CARMIL3: variants seen among roughly 807,000 people sequenced by gnomAD.
CARMIL3 encodes capping protein, Arp2/3 and myosin-I linker protein 3.
CARMIL3 carries 88 observed loss-of-function variants against 180.8 expected under a neutral mutation model. The ratio of observed to expected loss-of-function variants is 0.49; its 90% confidence interval spans 0.41 to 0.58. The LOEUF is 0.58. Among genes scored for constraint, CARMIL3 ranks in the 20% least tolerant of loss-of-function variants. CARMIL3 has a pLI of 0.00. For synonymous variants in CARMIL3, 696 were observed against 714.5 expected (o/e 0.97, Z 0.41); for missense variants, 1,548 against 1,787.0 (o/e 0.87, Z 2.41).
chr14:24,056,008 A>G (rs969511999), intron 10 of CARMIL3, among the ~76,000 whole-genome samples: 2 of 152,124 alleles, frequency 1.3e-5, no homozygotes, highest in Non-Finnish European at 2.9e-5. Context: ...TTTCCCCAGG[A>G]TGTTCCATGC....
rs2035694044 is a variant in CARMIL3 at position 24,058,163 on chromosome 14, T to C, written c.1331T>C (p.Leu444Pro). The C allele has an allele frequency of 6.2e-7, 1 of 1,613,702 alleles. No homozygotes were observed. The highest frequency in any genetic ancestry group is 1.1e-5 in the South Asian group (1 of 91,090). ...KLPLEALRAL[L>P]QGLSLNSHLS... Reference sequence around the variant, plus strand: ...TGACCTCCCTCCCACAGGGCGCTGCTTCAGGGCCTCTCCCTCAACAGTCAC... The same window carrying C: ...TGACCTCCCTCCCACAGGGCGCTGCCTCAGGGCCTCTCCCTCAACAGTCAC... The change falls in exon 17 of 40, where the codon CTT becomes CCT. Residue 444 changes from leucine to proline, a missense_variant. Around this residue, in one of 4 missense-constraint regions of CARMIL3, gnomAD observed 578 missense variants for 666.5 expected, o/e 0.87. Coordinates refer to ENST00000342740, the MANE Select transcript of CARMIL3 (RefSeq NM_138360.4). This position sits in a 1 kb window ranked among gnomAD's most constrained non-coding sequence, Gnocchi z 6.4.
Position 24,059,976 on chromosome 14 carries a change from C to T in CARMIL3, c.1875C>T (p.His625=), listed in dbSNP as rs1339397296. Residue 625 remains histidine (H), a synonymous_variant, in exon 23 of 40, where the codon CAC becomes CAT. Transcript: ENST00000342740. This position sits in a 1 kb window ranked among gnomAD's most constrained non-coding sequence, Gnocchi z 6.3. ...LDIARALESN[H]TLRFMSFPVS... is the part of the protein sequence containing the mutation. ...GTGCCCCTGTGTCCCACAGCAACCA[C>T]ACGCTGCGCTTCATGTCCTTCCCCG... The T allele has an allele frequency of 6.2e-7, 1 of 1,613,968 alleles. No individual in the cohort carries two copies. The highest frequency in any genetic ancestry group is 2.2e-5 in the East Asian group (1 of 44,888).
At position 24,065,150 on chromosome 14, in the gene CARMIL3, C is replaced by A; in HGVS notation, c.3273C>A (p.Ser1091Arg). 4.7e-6 allele frequency: 5 copies of A among 1,060,102 alleles called. No homozygotes were observed. The highest frequency in any genetic ancestry group is 1.9e-5 in the African/African-American group (1 of 53,248). 65.7% of individuals were successfully genotyped at this position (1,060,102 alleles called of 1,614,324 possible). A position where few individuals can be genotyped will look rare whatever the true frequency, so the allele number is the denominator to read the frequency against. ...PPPPPPPTQE[S>R]PPSPDPPSLG... ...CACCCCCTCCCCCGACTCAGGAGAGCCCCCCTAGCCCAGACCCCCCAAGCC... is the reference window on the plus strand; with the variant it reads ...CACCCCCTCCCCCGACTCAGGAGAGACCCCCTAGCCCAGACCCCCCAAGCC... Residue 1091 changes from serine (S) to arginine (R), a missense_variant, in exon 33 of 40, where the codon AGC (serine) becomes AGA (arginine). Transcript: ENST00000342740.
Position 24,058,304 on chromosome 14 carries a change from T to C in CARMIL3, c.1392+80T>C. The C allele has an allele frequency of 1.4e-6, 2 of 1,480,446 alleles. No homozygotes were observed. Among genetic ancestry groups the C allele is most frequent in the Non-Finnish European group, 9.2e-7 (1 of 1,088,406 alleles). The allele number at this position is 1,480,446 out of a possible 1,614,324, so 91.7% of individuals were successfully genotyped here. A position where few individuals can be genotyped will look rare whatever the true frequency, so the allele number is the denominator to read the frequency against. On this transcript the variant is annotated intron_variant, in intron 17 of 39. Coordinates refer to ENST00000342740, the MANE Select transcript of CARMIL3 (RefSeq NM_138360.4). The surrounding 1 kb of genome is among the most constrained non-coding windows in gnomAD (Gnocchi z 6.4). ...AGACCTAAGTCAAACCCTGGCTCCA[T>C]CTAGCCTCTGTGCTGACCCTCTGCG...
At position 24,064,112 on chromosome 14, in the gene CARMIL3, GAA is replaced by G. The variant is rs901609516; in HGVS notation, c.2980-130_2980-129del. The G allele has an allele frequency of 2.5e-5, 8 of 318,578 alleles. 1 individual carries two copies. The highest frequency in any genetic ancestry group is 3.1e-5 in the South Asian group (1 of 31,934). 19.7% of individuals were successfully genotyped at this position (318,578 alleles called of 1,614,324 possible). On this transcript the variant is annotated intron_variant, in intron 31 of 39. Coordinates refer to ENST00000342740, the MANE Select transcript of CARMIL3 (RefSeq NM_138360.4). ...CCGTCTCAAAAAAAAAAAAAAAAAA[GAA>G]AAAGAAACACTGGGTGAACTGAAGT...
chr14:24,057,061 G>A (rs2035679229), intron 13 of CARMIL3, 37 bp downstream of exon 13: 2 of 1,603,680 alleles, frequency 1.2e-6, no homozygotes, highest in Non-Finnish European at 1.7e-6. Context: ...CCTGCAGAAA[G>A]CATGCTTAAG....
chr14:24,066,730 C>T, intron 36 of CARMIL3, 74 bp downstream of exon 36: 1 of 1,497,266 alleles, frequency 6.7e-7, no homozygotes, highest in Non-Finnish European at 9.2e-7. Context: ...GCCCATGGCC[C>T]CTGTGCTGGG....
At position 24,055,146 on chromosome 14, in the gene CARMIL3, G is replaced by A; in HGVS notation, c.531+10G>A. Reference sequence around the variant, plus strand: ...TGAGGAGGTTCAATGGGTATGTTGGGCAGGGACCCCATAGGGAACAGGTGG... The same window carrying A: ...TGAGGAGGTTCAATGGGTATGTTGGACAGGGACCCCATAGGGAACAGGTGG... On this transcript the variant is annotated intron_variant, in intron 7 of 39. Coordinates refer to ENST00000342740, the MANE Select transcript of CARMIL3 (RefSeq NM_138360.4). 1 of 1,614,100 alleles carries A rather than the reference G, an allele frequency of 6.2e-7. No homozygotes were observed. Among genetic ancestry groups the A allele is most frequent in the Non-Finnish European group, 8.5e-7 (1 of 1,180,016 alleles).
At position 24,060,025 on chromosome 14, in the gene CARMIL3, C is replaced by T. The variant is rs748152997; in HGVS notation, c.1924C>T (p.Arg642Cys). 37 of 1,613,880 alleles carry T rather than the reference C, an allele frequency of 2.3e-5. No homozygotes were observed. The South Asian group carries it at 3.4e-4, about 15-fold the overall frequency. Reference protein sequence around the residue: ...FPVSDISQAYRSAPERTEDVW... With the variant: ...FPVSDISQAYCSAPERTEDVW... ...CGTGAGCGACATCTCCCAAGCCTAT[C>T]GCAGCGCGCCTGAGCGCACCGAGGA... is the stretch of plus-strand genomic sequence containing the variant. Residue 642 changes from arginine (R) to cysteine (C), a missense_variant, in exon 23 of 40, where the codon CGC becomes TGC. Transcript: ENST00000342740.
chr14:24,053,551 C>G (rs1351197306), intron 1 of CARMIL3, among the ~76,000 whole-genome samples, 158 bp from the exon 2 acceptor site: 1 of 152,166 alleles, frequency 6.6e-6, no homozygotes, highest in East Asian at 1.9e-4. Flanking sequence ...GAAAAGTCAC[C>G]CAAGAAGGAA....
intron 10 of CARMIL3, 36 bp downstream of exon 10, chr14:24,055,825 C>G: frequency 6.3e-7 from 1 of 1,591,288 alleles, no homozygotes; most frequent in Non-Finnish European, 8.6e-7. Context: ...GTAGTGCACC[C>G]TTGATGTAGT....
rs1206099251 is a variant in CARMIL3 at position 24,054,868 on chromosome 14, C to T, written c.460+60C>T. 2 of 1,543,038 alleles carry T rather than the reference C, an allele frequency of 1.3e-6. No individual in the cohort carries two copies. The highest frequency in any genetic ancestry group is 1.4e-5 in the African/African-American group (1 of 73,190). ...CCACCATCTTGCCCCATGATCAGAG[C>T]CCTTTGTGCACAGGGTGTTGCCTGG... On this transcript the variant is annotated intron_variant, in intron 6 of 39. Transcript: ENST00000342740. The surrounding 1 kb of genome is among the most constrained non-coding windows in gnomAD (Gnocchi z 5.1).
In CARMIL3 at chr14:24,069,212, T is replaced by A. The variant is rs1204624590; in HGVS notation, c.4058T>A (p.Leu1353Gln). The change falls in exon 39 of 40, where the codon CTG (leucine) becomes CAG (glutamine). Residue 1353 changes from leucine (L) to glutamine (Q), a missense_variant. Around this residue, in one of 4 missense-constraint regions of CARMIL3, gnomAD observed 668 missense variants for 687.8 expected, o/e 0.97. Transcript: ENST00000342740. ...RTRRAQSCDKLEPDRRRPPDP... is the reference protein window; with the variant it reads ...RTRRAQSCDKQEPDRRRPPDP... ...CGGCGGGCACAGTCCTGTGACAAGC[T>A]GGAACCTGATAGAAGACGGCCTCCT... is the stretch of plus-strand genomic sequence containing the variant. 1 of 1,613,820 alleles carries A rather than the reference T, an allele frequency of 6.2e-7. No individual in the cohort carries two copies. The highest frequency in any genetic ancestry group is 8.5e-7 in the Non-Finnish European group (1 of 1,179,976).
In CARMIL3 at chr14:24,052,117, C is replaced by A; in HGVS notation, c.-37C>A. On this transcript the variant is annotated 5_prime_UTR_variant, in exon 1 of 40. Transcript: ENST00000342740. ...TGCCGCGGCTCCCCGGCGGCGGCGG[C>A]GGCTCCTCTGCAGCAGCCTCAGCAG... The A allele has an allele frequency of 6.5e-7, 1 of 1,536,862 alleles. No homozygotes were observed.
chr14:24,054,623 G>C lies in CARMIL3; in HGVS notation c.363-88G>C, dbSNP rs1231436918. The C allele has an allele frequency of 6.6e-7, 1 of 1,505,650 alleles. No individual in the cohort carries two copies. The highest frequency in any genetic ancestry group is 1.4e-5 in the African/African-American group (1 of 72,232). The allele number at this position is 1,505,650 out of a possible 1,614,324, so 93.3% of individuals were successfully genotyped here. On this transcript the variant is annotated intron_variant, in intron 5 of 39. Coordinates refer to ENST00000342740, the MANE Select transcript of CARMIL3 (RefSeq NM_138360.4). The surrounding 1 kb of genome is among the most constrained non-coding windows in gnomAD (Gnocchi z 5.1). ...GGAGAGCTCTCATGTCCCCACTCCT[G>C]GTTTTTCCTGGGATGCAGGAGCTAT...
rs1214984475 is a variant in CARMIL3 at position 24,058,921 on chromosome 14, T to C, written c.1506T>C (p.Pro502=). 6.2e-7 allele frequency: 1 copy of C among 1,614,228 alleles called. No individual in the cohort carries two copies. The highest frequency in any genetic ancestry group is 1.1e-5 in the South Asian group (1 of 91,092). The change falls in exon 19 of 40, where the codon CCT becomes CCC. Residue 502 remains proline, a synonymous_variant. Coordinates refer to ENST00000342740, the MANE Select transcript of CARMIL3 (RefSeq NM_138360.4). The surrounding 1 kb of genome is among the most constrained non-coding windows in gnomAD (Gnocchi z 6.4). ...GFDSDLLTLV[P]ALGKNKSLKH... is the part of the protein sequence containing the mutation. ...ACTCGGACCTCCTGACACTGGTGCC[T>C]GCACTTGGCAAGAACAAGTCCCTCA...
At position 24,069,139 on chromosome 14, in the gene CARMIL3, C is replaced by G. The variant is rs376331854; in HGVS notation, c.3985C>G (p.Pro1329Ala). The G allele has an allele frequency of 1.9e-6, 3 of 1,613,702 alleles. No individual in the cohort carries two copies. The highest frequency in any genetic ancestry group is 3.3e-5 in the Admixed American group (2 of 60,018). Residue 1329 changes from proline to alanine, a missense_variant and splice_region_variant, in exon 39 of 40, where the codon CCC (proline) becomes GCC (alanine). This residue lies in a region of CARMIL3 where 668 missense variants were observed against 687.8 expected (regional missense o/e 0.97). Coordinates refer to ENST00000342740, the MANE Select transcript of CARMIL3 (RefSeq NM_138360.4). ...GCCTGCCTTGATTGTTATTTCAGGG[C>G]CCCCTGATCCAGGCCGGCGGACTGC... ...QDQEEPEVQGPPDPGRRTAPL... is the reference protein window; with the variant it reads ...QDQEEPEVQGAPDPGRRTAPL...
In CARMIL3 at chr14:24,054,439, C is replaced by T. The variant is rs1034988799; in HGVS notation, c.290C>T (p.Pro97Leu). Reference sequence around the variant, plus strand: ...CGTGGCATGGTGAGCATGCGACTGCCATCAGCTGAAAGTGTGGACCAGGTG... The same window carrying T: ...CGTGGCATGGTGAGCATGCGACTGCTATCAGCTGAAAGTGTGGACCAGGTG... ...TERGMVSMRL[P>L]SAESVDQVTR... Residue 97 changes from proline (P) to leucine (L), a missense_variant, in exon 5 of 40, where the codon CCA becomes CTA. Physicochemically the swap from Pro to Leu is moderately conservative, Grantham distance 98. Transcript: ENST00000342740. This position sits in a 1 kb window ranked among gnomAD's most constrained non-coding sequence, Gnocchi z 5.1. The T allele has an allele frequency of 6.2e-7, 1 of 1,614,150 alleles. No individual in the cohort carries two copies. The highest frequency in any genetic ancestry group is 8.5e-7 in the Non-Finnish European group (1 of 1,180,016).
chr14:24,061,744 A>T lies in CARMIL3; in HGVS notation c.2480+72A>T. ...ATCACTTAGGGACTTAGGACTGGAG[A>T]GCTATCAGCAATGAATAATGAATGG... is the stretch of plus-strand genomic sequence containing the variant. On this transcript the variant is annotated intron_variant, in intron 27 of 39. Transcript: ENST00000342740. The surrounding 1 kb of genome is among the most constrained non-coding windows in gnomAD (Gnocchi z 4.1). 1 of 1,472,656 alleles carries T rather than the reference A, an allele frequency of 6.8e-7. No individual in the cohort carries two copies. The highest frequency in any genetic ancestry group is 9.3e-7 in the Non-Finnish European group (1 of 1,079,598). The allele number at this position is 1,472,656 out of a possible 1,614,324, so 91.2% of individuals were successfully genotyped here. A position where few individuals can be genotyped will look rare whatever the true frequency, so the allele number is the denominator to read the frequency against.
Sources: allele counts gnomAD v4.1 joint callset (sites outside exome capture counted in the v4.1 genomes callset), GRCh38; gene constraint gnomAD v4.1.1; regional missense constraint gnomAD v4.1.1; non-coding constraint Gnocchi (gnomAD v3.1); transcripts MANE v1.5; gene names NCBI Gene and HGNC (gene_info 2026-07-23, HGNC 2026-07-21).